Variants in GRAMD1C observed in about 807,000 individuals in gnomAD.
The protein encoded by GRAMD1C is protein Aster-C.
In GRAMD1C, 89 loss-of-function variants were observed where a neutral mutation model predicts 97.8. The ratio of observed to expected loss-of-function variants is 0.91; its 90% CI spans 0.77 to 1.09. The LOEUF (loss-of-function observed/expected upper bound fraction) is 1.09. Ranked by LOEUF, GRAMD1C falls within the 50% of genes least tolerant of loss-of-function variation. The probability of loss-of-function intolerance (pLI) is 0.00; values close to 1 mark genes in which losing one functional copy is unlikely to be tolerated. For missense variants in GRAMD1C, 740 were observed against 766.4 expected (o/e 0.97, Z 0.41); for synonymous variants, 256 against 267.0 (o/e 0.96, Z 0.40).
At chr3:113,904,322 A>G in intron 8 of GRAMD1C, 50 bp downstream of exon 8, 1 of 1,211,684 alleles carries the variant, frequency 8.3e-7, no homozygotes, top group Non-Finnish European at 1.2e-6. Flanking sequence ...GTCATGTCCT[A>G]ATCAGAATAC....
At chr3:113,863,151 A>G (rs538984131) in intron 2 of GRAMD1C, among the ~76,000 whole-genome samples, 1 of 152,360 alleles carries the variant, frequency 6.6e-6, no homozygotes, top group South Asian at 2.1e-4. Flanking sequence ...TAACAGCATT[A>G]TTCATAATAA....
Position 113,915,854 on chromosome 3 carries a change from C to A in GRAMD1C, c.1090+16C>A. 1 of 1,581,924 alleles carries A rather than the reference C, an allele frequency of 6.3e-7. No homozygotes were observed. Among genetic ancestry groups the A allele is most frequent in the East Asian group, 2.2e-5 (1 of 44,594 alleles). On this transcript the variant is annotated intron_variant, in intron 10 of 17. Transcript: ENST00000358160. The stretch of plus-strand genomic sequence containing the variant: ...AATATAATAGGTTAGTCCTTGTGTT[C>A]TTACCTAATGATAAATTTGGGAGAA...
chr3:113,873,951 T>G (rs1423248979), intron 3 of GRAMD1C, among the ~76,000 whole-genome samples: 1 of 152,206 alleles, frequency 6.6e-6, no homozygotes, highest in African/African-American at 2.4e-5. Context: ...CCAATCTCTG[T>G]TTTAGTGATG....
rs1218610042 is a variant in GRAMD1C, at chr3:113,904,867, C to A, written c.789+595C>A. Among the ~76,000 whole-genome samples, 4 of 152,224 alleles carry A rather than the reference C, an allele frequency of 2.6e-5. No homozygotes were observed. The East Asian group carries it at 7.7e-4, about 29-fold the overall frequency. On this transcript the variant is annotated intron_variant, in intron 8 of 17. Transcript: ENST00000358160. ...TTTGGGTTTTTTGAGATGAGTCTCG[C>A]CCTGTTGCCCAGGCTGGAGTGCAAT...
intron 6 of GRAMD1C, among the ~76,000 whole-genome samples, chr3:113,896,410 C>T (rs1935950395): frequency 6.6e-6 from 1 of 152,078 alleles, no homozygotes; most frequent in Non-Finnish European, 1.5e-5. Context: ...TCTTGGGGTT[C>T]AGTTTTAGGT....
intron 1 of GRAMD1C, among the ~76,000 whole-genome samples, chr3:113,831,285 C>T (rs1709553901): frequency 6.6e-6 from 1 of 152,126 alleles, no homozygotes; most frequent in Non-Finnish European, 1.5e-5. Context: ...TATGAAAGAA[C>T]ACTTCAGTCT....
intron 10 of GRAMD1C, among the ~76,000 whole-genome samples, chr3:113,916,105 G>A (rs2712336): frequency 0.99 from 151,412 of 152,336 alleles, 75,257 homozygotes; most frequent in Middle Eastern, 1. Flanking sequence ...GTACCAATTC[G>A]ATTAGGTTGA....
intron 2 of GRAMD1C, chr3:113,850,596 A>G: frequency 1.9e-6 from 3 of 1,607,728 alleles, no homozygotes; most frequent in African/African-American, 1.3e-5. Flanking sequence ...CATGGCCTTC[A>G]TGACATGAAG....
chr3:113,933,933 T>C (rs1385949605), intron 12 of GRAMD1C, among the ~76,000 whole-genome samples: 11 of 152,120 alleles, frequency 7.2e-5, no homozygotes, highest in Admixed American at 7.2e-4. Context: ...CCAGAACCAG[T>C]CATGTGACCT....
At chr3:113,944,517 TC>T (rs1335584316) in intron 17 of GRAMD1C, among the ~76,000 whole-genome samples, 2 of 152,226 alleles carry the variant, frequency 1.3e-5, no homozygotes, top group African/African-American at 2.4e-5. Context: ...ACTGATTATG[TC>T]CAAAACAGAA....
At position 113,839,318 on chromosome 3, in the gene GRAMD1C, G is replaced by A. The variant is rs183830541; in HGVS notation, c.27+382G>A. Among the ~76,000 whole-genome samples the A allele has an allele frequency of 1.9e-3, 294 of 152,240 alleles. 1 individual carries two copies. The highest frequency in any genetic ancestry group is 2.9e-3 in the Non-Finnish European group (195 of 68,020). ...ATTCTCAGCCCTGTTGTAAAGGTCCGGATAGTTTAAATCACTGTGCTGTCA... is the reference window on the plus strand; with the variant it reads ...ATTCTCAGCCCTGTTGTAAAGGTCCAGATAGTTTAAATCACTGTGCTGTCA... On this transcript the variant is annotated intron_variant, in intron 1 of 17. Transcript: ENST00000358160.
chr3:113,934,087 T>C (rs901547787), intron 12 of GRAMD1C, among the ~76,000 whole-genome samples: 2 of 152,214 alleles, frequency 1.3e-5, no homozygotes, highest in Admixed American at 6.5e-5. Flanking sequence ...GTTAATGTAG[T>C]TACTTTCACC....
intron 17 of GRAMD1C, among the ~76,000 whole-genome samples, chr3:113,944,671 A>C (rs965570045): frequency 4.6e-5 from 7 of 152,222 alleles, no homozygotes; most frequent in Non-Finnish European, 8.8e-5. Flanking sequence ...TGTTTTATTA[A>C]TAGTTCTGGA....
At chr3:113,828,890 C>T (rs1709522368) in intron 1 of GRAMD1C, among the ~76,000 whole-genome samples, 1 of 152,208 alleles carries the variant, frequency 6.6e-6, no homozygotes, top group Non-Finnish European at 1.5e-5. Context: ...TGTCCACAAT[C>T]TCAGTTTCAA....
chr3:113,901,050 T>G lies in GRAMD1C; in HGVS notation c.560T>G (p.Phe187Cys). 1 of 1,598,328 alleles carries G rather than the reference T, an allele frequency of 6.3e-7. No homozygotes were observed. The highest frequency in any genetic ancestry group is 8.6e-7 in the Non-Finnish European group (1 of 1,165,846). ...LLDKSLTRQE[F>C]WQLLQQNYGT... ...CTTTAGAGCCTGACTAGACAGGAAT[T>G]CTGGCAACTGCTCCAGCAGAACTAT... The change falls in exon 7 of 18, where the codon TTC (phenylalanine) becomes TGC (cysteine). Residue 187 changes from phenylalanine (F) to cysteine (C), a missense_variant. Physicochemically the swap from Phe to Cys is radical, Grantham distance 205. Transcript: ENST00000358160.
chr3:113,869,113 C>G (rs1287359302), intron 2 of GRAMD1C, among the ~76,000 whole-genome samples: 1 of 152,048 alleles, frequency 6.6e-6, no homozygotes, highest in Non-Finnish European at 1.5e-5. Context: ...AAAGACTTAA[C>G]AGGTGAAGGA....
At chr3:113,886,051 T>C in intron 6 of GRAMD1C, 1 of 688,640 alleles carries the variant, frequency 1.5e-6, no homozygotes, top group Non-Finnish European at 1.9e-6. Flanking sequence ...CCCCTCCACT[T>C]GGGTTGGGGT....
At chr3:113,867,116 G>A (rs973003702) in intron 2 of GRAMD1C, among the ~76,000 whole-genome samples, 24 of 151,890 alleles carry the variant, frequency 1.6e-4, no homozygotes, top group Admixed American at 9.8e-4. Flanking sequence ...GGCGTGAGCC[G>A]TCATGCCTGG....
chr3:113,911,186 A>ACACACACACACACACACG (rs1460888643), intron 9 of GRAMD1C, among the ~76,000 whole-genome samples: 1 of 151,170 alleles, frequency 6.6e-6, no homozygotes, highest in Admixed American at 6.6e-5. Flanking sequence ...ACACACACAC[A>ACACACACACACACACACG]CACGCACACG....
Sources: gnomAD v4.1 joint callset for allele counts (sites outside exome capture counted in the v4.1 genomes callset) on GRCh38, gnomAD v4.1.1 for gene constraint, MANE v1.5 for transcripts, NCBI Gene and HGNC (gene_info 2026-07-23, HGNC 2026-07-21) for gene names.